CHSY3: variants seen among roughly 807,000 people sequenced by gnomAD.
CHSY3 encodes the protein N-acetylgalactosaminyl-proteoglycan 3-beta-glucuronosyltransferase 3.
Under a neutral mutation model 67.2 loss-of-function variants are expected in CHSY3, and 35 were observed. That is an observed-to-expected ratio of 0.52 (90% CI 0.40 to 0.69). The LOEUF (loss-of-function observed/expected upper bound fraction) is 0.69, where lower values mean the gene tolerates loss of function less well. CHSY3 is among the 30% of genes least tolerant of loss of function. The pLI, the probability that CHSY3 is intolerant of heterozygous loss-of-function variation, is 0.00. For missense variants in CHSY3, 1,069 were observed against 1,138.5 expected (o/e 0.94, Z 0.88); for synonymous variants, 474 against 434.7 (o/e 1.09, Z -1.12).
At chr5:130,027,339 A>G (rs1365342785) in intron 2 of CHSY3, among the ~76,000 whole-genome samples, 1 of 152,160 alleles carries the variant, frequency 6.6e-6, no homozygotes, top group African/African-American at 2.4e-5. Flanking sequence ...CTGGGGTAGT[A>G]GAGCACCTCA....
At chr5:130,175,776 A>G (rs1433687909) in intron 2 of CHSY3, among the ~76,000 whole-genome samples, 2 of 152,216 alleles carry the variant, frequency 1.3e-5, no homozygotes, top group Non-Finnish European at 2.9e-5. Context: ...TATTTTGTAA[A>G]TGGTGTTGGG....
At chr5:130,064,748 G>A (rs1765828889) in intron 2 of CHSY3, among the ~76,000 whole-genome samples, 1 of 152,176 alleles carries the variant, frequency 6.6e-6, no homozygotes, top group Admixed American at 6.6e-5. Context: ...GCAGGGTCTA[G>A]AAAGTTAAGT....
chr5:130,003,397 G>T (rs897841052), intron 2 of CHSY3, among the ~76,000 whole-genome samples: 40 of 152,200 alleles, frequency 2.6e-4, no homozygotes, highest in Admixed American at 2.1e-3. Context: ...TTCAGACTTG[G>T]ATCTGATACA....
Position 130,184,804 on chromosome 5 carries a change from TGTGCCA to T in CHSY3, c.1666_1671del (p.Pro556_Val557del). On this transcript the variant is annotated inframe_deletion, in exon 3 of 3. Coordinates refer to ENST00000305031, the MANE Select transcript of CHSY3 (RefSeq NM_175856.5). Reference sequence around the variant, plus strand: ...AAAGACACAAGGGAAGGAAACTGACTGTGCCAGTGAGACGTCATGCCTATCTTCAGC... The same window carrying T: ...AAAGACACAAGGGAAGGAAACTGACTGTGAGACGTCATGCCTATCTTCAGC... The T allele has an allele frequency of 1.2e-6, 2 of 1,609,956 alleles. No individual in the cohort carries two copies. Among genetic ancestry groups the T allele is most frequent in the Non-Finnish European group, 1.7e-6 (2 of 1,176,152 alleles).
intron 2 of CHSY3, among the ~76,000 whole-genome samples, chr5:130,022,756 T>C (rs1427843046): frequency 3.9e-5 from 6 of 151,966 alleles, no homozygotes; most frequent in Non-Finnish European, 7.4e-5. Context: ...CCTTGCTAAC[T>C]TGCCTGTTAT....
intron 2 of CHSY3, among the ~76,000 whole-genome samples, chr5:129,966,666 A>G (rs1762476746): frequency 6.6e-6 from 1 of 151,912 alleles, no homozygotes; most frequent in South Asian, 2.1e-4. Flanking sequence ...CAAATTTGGC[A>G]GATATTCTTT....
At chr5:130,164,964 G>T (rs2149730016) in intron 2 of CHSY3, among the ~76,000 whole-genome samples, 1 of 152,190 alleles carries the variant, frequency 6.6e-6, no homozygotes, top group Admixed American at 6.6e-5. Flanking sequence ...AGAAAAAAAA[G>T]ACATATGCAA....
Position 130,185,747 on chromosome 5 carries a change from C to A in CHSY3, c.2605C>A (p.Leu869Ile), listed in dbSNP as rs78253116. 2 of 1,610,188 alleles carry A rather than the reference C, an allele frequency of 1.2e-6. No individual in the cohort carries two copies. Among genetic ancestry groups the A allele is most frequent in the African/African-American group, 2.7e-5 (2 of 74,876 alleles). ...ASTMQLAELW[L>I]EKHLGVRYNR... ...AACCATGCAACTGGCTGAACTCTGGCTTGAAAAACATTTAGGTGTCAGGTA... is the reference window on the plus strand; with the variant it reads ...AACCATGCAACTGGCTGAACTCTGGATTGAAAAACATTTAGGTGTCAGGTA... Residue 869 changes from leucine (L) to isoleucine (I), a missense_variant, in exon 3 of 3, where the codon CTT (leucine) becomes ATT (isoleucine). Coordinates refer to ENST00000305031, the MANE Select transcript of CHSY3 (RefSeq NM_175856.5).
intron 2 of CHSY3, among the ~76,000 whole-genome samples, chr5:130,078,094 A>G (rs1345024190): frequency 6.6e-6 from 1 of 152,062 alleles, no homozygotes; most frequent in Non-Finnish European, 1.5e-5. Context: ...GGAGAGTTAA[A>G]ATAACTCATG....
chr5:130,167,379 A>G (rs1422825389), intron 2 of CHSY3, among the ~76,000 whole-genome samples: 1 of 152,090 alleles, frequency 6.6e-6, no homozygotes, highest in Non-Finnish European at 1.5e-5. Flanking sequence ...AAGGATAGCT[A>G]ATAGTACCTT....
chr5:129,999,582 C>A (rs555160479), intron 2 of CHSY3, among the ~76,000 whole-genome samples: 2 of 152,058 alleles, frequency 1.3e-5, no homozygotes, highest in African/African-American at 2.4e-5. Context: ...TCCAAGTTTC[C>A]GCATTATCAG....
chr5:130,018,511 A>G (rs1764276291), intron 2 of CHSY3, among the ~76,000 whole-genome samples: 1 of 152,230 alleles, frequency 6.6e-6, no homozygotes, highest in East Asian at 1.9e-4. Context: ...CTTTGCCAAT[A>G]CTGCTGTGGC....
Position 129,905,328 on chromosome 5 carries a change from G to T in CHSY3, c.499G>T (p.Ala167Ser), listed in dbSNP as rs911926304. ...GGACGGGGGCGCTGCCGCCCCGAGC[G>T]CCCGACCCCGGGACTTCCTGTACGT... ...SGDGGAAAPS[A>S]RPRDFLYVGV... Residue 167 changes from alanine (A) to serine (S), a missense_variant, in exon 1 of 3, where the codon GCC becomes TCC. This residue lies in a region of CHSY3 where 309 missense variants were observed against 262.5 expected (regional missense o/e 1.18). Coordinates refer to ENST00000305031, the MANE Select transcript of CHSY3 (RefSeq NM_175856.5). 4 of 1,530,674 alleles carry T rather than the reference G, an allele frequency of 2.6e-6. No individual in the cohort carries two copies. Among genetic ancestry groups the T allele is most frequent in the Non-Finnish European group, 3.5e-6 (4 of 1,142,486 alleles). 94.8% of individuals were successfully genotyped at this position (1,530,674 alleles called of 1,614,324 possible). A position where few individuals can be genotyped will look rare whatever the true frequency, so the allele number is the denominator to read the frequency against.
At chr5:129,945,895 C>CT (rs371440107) in intron 2 of CHSY3, among the ~76,000 whole-genome samples, 1 of 152,104 alleles carries the variant, frequency 6.6e-6, no homozygotes, top group Non-Finnish European at 1.5e-5. Flanking sequence ...CTGATACATT[C>CT]TTTTTTCTCT....
At chr5:129,964,702 T>C (rs1762424743) in intron 2 of CHSY3, among the ~76,000 whole-genome samples, 1 of 151,936 alleles carries the variant, frequency 6.6e-6, no homozygotes, top group Non-Finnish European at 1.5e-5. Context: ...TCTTAATCAC[T>C]TTAGAAATAA....
chr5:130,155,671 T>C (rs1232630332), intron 2 of CHSY3, among the ~76,000 whole-genome samples: 1 of 152,094 alleles, frequency 6.6e-6, no homozygotes, highest in Non-Finnish European at 1.5e-5. Context: ...TGTTTCCAGA[T>C]GGTTTAGGCA....
At chr5:130,084,478 C>T (rs1766545813) in intron 2 of CHSY3, among the ~76,000 whole-genome samples, 1 of 151,764 alleles carries the variant, frequency 6.6e-6, no homozygotes, top group Non-Finnish European at 1.5e-5. Context: ...GACCAATGAC[C>T]TGTGACACAG....
chr5:130,114,123 A>G (rs1318581634), intron 2 of CHSY3, among the ~76,000 whole-genome samples: 1 of 152,176 alleles, frequency 6.6e-6, no homozygotes, highest in African/African-American at 2.4e-5. Context: ...ATCTCACATA[A>G]TAGTTTATCC....
At chr5:130,160,654 A>G (rs916919713) in intron 2 of CHSY3, among the ~76,000 whole-genome samples, 2 of 152,132 alleles carry the variant, frequency 1.3e-5, no homozygotes, top group Non-Finnish European at 2.9e-5. Flanking sequence ...ATTAAATGCA[A>G]TGTCCTAACA....
Sources: gnomAD v4.1 joint callset for allele counts (sites outside exome capture counted in the v4.1 genomes callset) on GRCh38, gnomAD v4.1.1 for gene constraint, gnomAD v4.1.1 regional missense constraint, MANE v1.5 for transcripts, NCBI Gene and HGNC (gene_info 2026-07-23, HGNC 2026-07-21) for gene names.